SEM1: variants seen among roughly 807,000 people sequenced by gnomAD.
SEM1 encodes 26S proteasome complex subunit SEM1.
In SEM1, 3 loss-of-function variants were observed where a neutral mutation model predicts 12.7. The observed-to-expected ratio is 0.24, with a 90% CI of 0.11 to 0.61. SEM1 has a LOEUF of 0.61. SEM1 is among the 20% of genes least tolerant of loss of function. The pLI is 0.88. For missense variants in SEM1, 59 were observed against 81.3 expected (o/e 0.73, Z 1.06); for synonymous variants, 30 against 27.8 (o/e 1.08, Z -0.25).
intron 2 of SEM1, among the ~76,000 whole-genome samples, chr7:96,532,051 T>C (rs1168821654): frequency 6.6e-6 from 1 of 152,104 alleles, no homozygotes; most frequent in African/African-American, 2.4e-5. Context: ...TTGTAAGTGA[T>C]CTACCCTCTG....
At chr7:96,570,991 C>T (rs1806008338) in intron 2 of SEM1, among the ~76,000 whole-genome samples, 2 of 148,834 alleles carry the variant, frequency 1.3e-5, no homozygotes, top group African/African-American at 5.0e-5. Context: ...TGTTTGTTGG[C>T]TGTATAAATG....
chr7:96,697,337 T>TA (rs1790127836), intron 1 of SEM1: 1 of 151,604 alleles, frequency 6.6e-6, no homozygotes, highest in Non-Finnish European at 1.5e-5. Flanking sequence ...GCTTTAAATT[T>TA]AAAAAATCTG....
intron 2 of SEM1, among the ~76,000 whole-genome samples, chr7:96,532,877 C>A (rs1804680886): frequency 6.6e-6 from 1 of 152,054 alleles, no homozygotes; most frequent in African/African-American, 2.4e-5. Flanking sequence ...CCACAAAATT[C>A]AGGAGGATCA....
At chr7:96,544,509 A>T (rs1322110354) in intron 2 of SEM1, among the ~76,000 whole-genome samples, 1 of 152,006 alleles carries the variant, frequency 6.6e-6, no homozygotes. Flanking sequence ...AATAGTATTG[A>T]TTATTCTCTT....
Position 96,484,825 on chromosome 7 carries a change from CT to C in SEM1, c.256del (p.Arg86GlyfsTer3). 7.8e-7 allele frequency: 1 copy of C among 1,287,584 alleles called. No homozygotes were observed. The highest frequency in any genetic ancestry group is 1.0e-6 in the Non-Finnish European group (1 of 986,630). 79.8% of individuals were successfully genotyped at this position (1,287,584 alleles called of 1,614,324 possible). On this transcript the variant is annotated frameshift_variant and splice_region_variant, in exon 3 of 4. Transcript: ENST00000356686. LOFTEE classifies it low-confidence loss of function (END_TRUNC). ...TCCATTTATATCTTTGTTCCATTACCTTGCCCACTTCTTTTTTCTTGAGGTG... is the reference window on the plus strand; with the variant it reads ...TCCATTTATATCTTTGTTCCATTACCTGCCCACTTCTTTTTTCTTGAGGTG...
chr7:96,673,862 G>A (rs370015354), intron 2 of SEM1: 2 of 764,814 alleles, frequency 2.6e-6, no homozygotes, highest in African/African-American at 3.4e-5. Context: ...CAGTTGCCCT[G>A]GAAAACAGAC....
At chr7:96,576,982 T>C (rs749435617) in intron 2 of SEM1, among the ~76,000 whole-genome samples, 2 of 152,028 alleles carry the variant, frequency 1.3e-5, no homozygotes, top group African/African-American at 2.4e-5. Context: ...CCAGGCGTGG[T>C]GGCATGTGCC....
At chr7:96,686,075 C>T (rs1789752988), downstream of SEM1, among the ~76,000 whole-genome samples, 1 of 152,080 alleles carries the variant, frequency 6.6e-6, no homozygotes, top group African/African-American at 2.4e-5. Flanking sequence ...GGCCCTTTTA[C>T]TTCCTAACTT....
intron 2 of SEM1, among the ~76,000 whole-genome samples, chr7:96,571,904 C>A (rs202140785): frequency 6.6e-6 from 1 of 151,884 alleles, no homozygotes; most frequent in African/African-American, 2.4e-5. Flanking sequence ...GCTGTGAATC[C>A]GTCTGGTCCT....
chr7:96,689,411 A>G (rs573601902), intron 2 of SEM1, among the ~76,000 whole-genome samples: 39 of 152,318 alleles, frequency 2.6e-4, no homozygotes, highest in Admixed American at 1.4e-3. Flanking sequence ...ACTGTTGTAT[A>G]TGCAGAAAGA....
chr7:96,582,901 T>G (rs565389237), intron 2 of SEM1, among the ~76,000 whole-genome samples: 2 of 152,342 alleles, frequency 1.3e-5, no homozygotes, highest in Admixed American at 1.3e-4. Context: ...CTATCAATTT[T>G]GTTGATCCTT....
At chr7:96,548,337 A>G (rs996711067) in intron 2 of SEM1, among the ~76,000 whole-genome samples, 1 of 152,158 alleles carries the variant, frequency 6.6e-6, no homozygotes, top group Admixed American at 6.5e-5. Context: ...CCTTACAAGC[A>G]TAATTCCCTA....
intron 2 of SEM1, among the ~76,000 whole-genome samples, chr7:96,613,598 A>T (rs1342750709): frequency 1.3e-5 from 2 of 152,220 alleles, no homozygotes; most frequent in Non-Finnish European, 2.9e-5. Flanking sequence ...ATACATTATT[A>T]TTAACTATAG....
At chr7:96,648,099 G>C (rs1286987393) in intron 2 of SEM1, among the ~76,000 whole-genome samples, 1 of 152,098 alleles carries the variant, frequency 6.6e-6, no homozygotes, top group Non-Finnish European at 1.5e-5. Flanking sequence ...CATATTCACA[G>C]GGAAAAATGC....
At chr7:96,504,203 T>G (rs898445153) in intron 3 of SEM1, among the ~76,000 whole-genome samples, 1 of 152,106 alleles carries the variant, frequency 6.6e-6, no homozygotes, top group African/African-American at 2.4e-5. Context: ...GGTATGTTGT[T>G]TGAACAAGTA....
In SEM1 at chr7:96,589,695, A is replaced by T. The variant is rs78603500; in HGVS notation, c.171-82997T>A. The stretch of plus-strand genomic sequence containing the variant: ...TAGAACATTCTGTACTGAAATTATG[A>T]TTTTGAAAAGAAATTATCTTGGACT... On this transcript the variant is annotated intron_variant and NMD_transcript_variant, in intron 2 of 3. Coordinates refer to the SEM1 transcript ENST00000466986. Among the ~76,000 whole-genome samples, 795 of 152,312 alleles carry T rather than the reference A, an allele frequency of 5.2e-3. 9 individuals are homozygous for T. The highest frequency in any genetic ancestry group is 0.018 in the African/African-American group (755 of 41,574).
At chr7:96,598,758 T>C (rs952437789) in intron 2 of SEM1, among the ~76,000 whole-genome samples, 2 of 152,186 alleles carry the variant, frequency 1.3e-5, no homozygotes, top group Non-Finnish European at 2.9e-5. Flanking sequence ...ACTGAGTTTA[T>C]ATGCTCACTT....
At chr7:96,656,539 T>C (rs1368534968) in intron 2 of SEM1, 1 of 151,460 alleles carries the variant, frequency 6.6e-6, no homozygotes, top group East Asian at 1.9e-4. Context: ...GCAACTTCCA[T>C]GATAAGTTAT....
chr7:96,486,615 T>G (rs1802781931), intron 1 of SEM1, among the ~76,000 whole-genome samples: 1 of 152,126 alleles, frequency 6.6e-6, no homozygotes, highest in South Asian at 2.1e-4. Context: ...TCCCTGACCC[T>G]CAGGCCTCTT....
Sources: gnomAD v4.1 joint callset for allele counts (sites outside exome capture counted in the v4.1 genomes callset) on GRCh38, gnomAD v4.1.1 for gene constraint, MANE v1.5 for transcripts, NCBI Gene and HGNC (gene_info 2026-07-23, HGNC 2026-07-21) for gene names.